Variants in CD33 observed in about 807,000 individuals in gnomAD.
The protein encoded by CD33 is myeloid cell surface antigen CD33.
CD33 carries 25 observed loss-of-function variants against 31.4 expected under a neutral mutation model. The observed-to-expected ratio is 0.80, with a 90% confidence interval of 0.58 to 1.11. The LOEUF is 1.11. Ranked by LOEUF, CD33 falls within the 50% of genes most tolerant of loss-of-function variation. The pLI, the probability that CD33 is intolerant of heterozygous loss-of-function variation, is 0.00. For missense variants in CD33, 407 were observed against 448.1 expected (o/e 0.91, Z 0.83); for synonymous variants, 176 against 180.6 (o/e 0.97, Z 0.20).
chr19:51,231,002 A>T (rs1405352195), intron 4 of CD33, among the ~76,000 whole-genome samples: 1 of 151,722 alleles, frequency 6.6e-6, no homozygotes, highest in Admixed American at 6.6e-5. Context: ...TGGGCATAAA[A>T]CCCCTCATAG....
chr19:51,212,152 C>T, the CD33 span: 1 of 474,036 alleles, frequency 2.1e-6, no homozygotes, highest in Admixed American at 2.8e-5. Flanking sequence ...GGACTGGGGC[C>T]ACTGGTGGCT....
chr19:51,212,379 G>C, the CD33 span, among the ~76,000 whole-genome samples: 1 of 152,072 alleles, frequency 6.6e-6, no homozygotes, highest in Non-Finnish European at 1.5e-5. Flanking sequence ...TCCCTCCTTG[G>C]GAAGAGGAGA....
At chr19:51,231,490 A>G (rs1981407580) in intron 4 of CD33, among the ~76,000 whole-genome samples, 1 of 152,216 alleles carries the variant, frequency 6.6e-6, no homozygotes. Flanking sequence ...ATCCATTTAC[A>G]TACACATTAT....
chr19:51,211,729 G>A, the CD33 span: 1 of 781,304 alleles, frequency 1.3e-6, no homozygotes, highest in Non-Finnish European at 2.1e-6. Flanking sequence ...CAGAACCTGA[G>A]CTTCCCTCAG....
chr19:51,226,389 C>T (rs777877198), intron 4 of CD33, 33 bp downstream of exon 4: 3 of 1,594,296 alleles, frequency 1.9e-6, no homozygotes, highest in Non-Finnish European at 2.6e-6. Context: ...GGGGCTGTTA[C>T]TGACATTGAG....
chr19:51,212,350 G>T, the CD33 span, among the ~76,000 whole-genome samples: 2 of 152,074 alleles, frequency 1.3e-5, no homozygotes, highest in Non-Finnish European at 2.9e-5. Flanking sequence ...CTAGGAGAAG[G>T]CACAGGTAGG....
intron 6 of CD33, chr19:51,236,090 A>G (rs1443851117): frequency 2.5e-5 from 12 of 479,856 alleles, no homozygotes; most frequent in East Asian, 8.2e-5. Flanking sequence ...CCCGGGAGGC[A>G]GAGCTTGTAG....
At chr19:51,211,564 C>G in the CD33 span, 1 of 1,515,304 alleles carries the variant, frequency 6.6e-7, no homozygotes, top group African/African-American at 1.4e-5. Flanking sequence ...TTACAAATCT[C>G]CCCAGCTCTC....
rs375190365 is a variant in CD33, at chr19:51,225,300, C to T, written c.120C>T (p.Pro40=). Residue 40 remains proline (P), a synonymous_variant, in exon 2 of 7, where the codon CCC becomes CCT. Transcript: ENST00000262262. ...AGGAGGGTTTGTGCGTCCTCGTGCC[C>T]TGCACTTTCTTCCATCCCATACCCT... The part of the protein sequence containing the change: ...TVQEGLCVLV[P]CTFFHPIPYY... The T allele has an allele frequency of 1.2e-6, 2 of 1,614,170 alleles. No homozygotes were observed. Among genetic ancestry groups the T allele is most frequent in the South Asian group, 2.2e-5 (2 of 91,082 alleles).
At position 51,228,867 on chromosome 19, in the gene CD33, G is replaced by A. The variant is rs529681863; in HGVS notation, c.745+2511G>A. On this transcript the variant is annotated intron_variant, in intron 4 of 6. Transcript: ENST00000262262. The stretch of plus-strand genomic sequence containing the variant: ...TATTTGCAGAGACAATTTGACTTCC[G>A]CCTTTCCAGTTTGGATGGTTTTTAT... 9.9e-5 allele frequency among the ~76,000 whole-genome samples: 15 copies of A among 152,224 alleles called. No individual in the cohort carries two copies. In the South Asian group the frequency reaches 2.7e-3, roughly 27 times the overall value.
chr19:51,220,114 A>C (rs2123128072), upstream of CD33, among the ~76,000 whole-genome samples: 1 of 152,236 alleles, frequency 6.6e-6, no homozygotes, highest in African/African-American at 2.4e-5. Context: ...GTAGAATTTG[A>C]CTGTGAAACC....
intron 4 of CD33, among the ~76,000 whole-genome samples, chr19:51,230,448 G>A (rs1272125609): frequency 6.6e-6 from 1 of 152,202 alleles, no homozygotes; most frequent in Non-Finnish European, 1.5e-5. Context: ...TCAATGCTGA[G>A]AGTGGGGCGT....
chr19:51,238,305 T>A (rs541496078), intron 6 of CD33: 3 of 152,324 alleles, frequency 2.0e-5, no homozygotes, highest in Non-Finnish European at 2.9e-5. Flanking sequence ...CATGTGGAGA[T>A]GACAAGTAGC....
At chr19:51,233,554 A>G (rs1981572071) in intron 4 of CD33, among the ~76,000 whole-genome samples, 1 of 152,250 alleles carries the variant, frequency 6.6e-6, no homozygotes, top group South Asian at 2.1e-4. Context: ...TGTGGTCTCA[A>G]GATGGTTCTG....
chr19:51,234,882 T>A (rs781614682), intron 4 of CD33, among the ~76,000 whole-genome samples: 16 of 152,050 alleles, frequency 1.1e-4, no homozygotes, highest in Non-Finnish European at 2.2e-4. Flanking sequence ...ATGTCTGAGG[T>A]TCATTTCAGA....
chr19:51,211,648 C>A, the CD33 span: 21 of 1,232,188 alleles, frequency 1.7e-5, no homozygotes, highest in Non-Finnish European at 2.1e-5. Flanking sequence ...CAGGACAGGG[C>A]TTGGGATGGG....
the CD33 span, among the ~76,000 whole-genome samples, chr19:51,218,555 G>A: frequency 6.6e-6 from 1 of 151,944 alleles, no homozygotes; most frequent in Non-Finnish European, 1.5e-5. Flanking sequence ...TCTATTTTTT[G>A]TTTTGTTGGA....
At position 51,235,923 on chromosome 19, in the gene CD33, C is replaced by T. The variant is rs531081449; in HGVS notation, c.924+247C>T. ...CCTGCAATCCCAGCACCTTTGGAGG[C>T]CAAGGCGGGCGGATCACGAGGTCAG... On this transcript the variant is annotated intron_variant, in intron 6 of 6. Coordinates refer to ENST00000262262, the MANE Select transcript of CD33 (RefSeq NM_001772.4). 117 of 700,158 alleles carry T rather than the reference C, an allele frequency of 1.7e-4. 3 individuals are homozygous for T. Among genetic ancestry groups the T allele is most frequent in the South Asian group, 1.6e-3 (111 of 67,366 alleles). The allele number at this position is 700,158 out of a possible 1,614,324, so 43.4% of individuals were successfully genotyped here. A position where few individuals can be genotyped will look rare whatever the true frequency, so the allele number is the denominator to read the frequency against.
chr19:51,215,373 TACC>T, the CD33 span, among the ~76,000 whole-genome samples: 1 of 152,146 alleles, frequency 6.6e-6, no homozygotes. Flanking sequence ...CTGCTCTGTC[TACC>T]ACATTTTCTA....
Sources: gnomAD v4.1 joint callset for allele counts (sites outside exome capture counted in the v4.1 genomes callset) on GRCh38, gnomAD v4.1.1 for gene constraint, MANE v1.5 for transcripts, NCBI Gene and HGNC (gene_info 2026-07-23, HGNC 2026-07-21) for gene names.